Variants in ARHGEF28 observed in about 807,000 individuals in gnomAD.
The protein encoded by ARHGEF28 is Rho guanine nucleotide exchange factor 28, also known as 190 kDa guanine nucleotide exchange factor.
Under a neutral mutation model 206.6 loss-of-function variants are expected in ARHGEF28, and 152 were observed. The observed-to-expected ratio is 0.74, with a 90% CI of 0.64 to 0.84. The LOEUF is 0.84. ARHGEF28 is among the 40% of genes least tolerant of loss of function. ARHGEF28 has a pLI of 0.00. For missense variants in ARHGEF28, 2,028 were observed against 2,073.2 expected (o/e 0.98, Z 0.42); for synonymous variants, 763 against 776.4 (o/e 0.98, Z 0.29).
chr5:73,813,186 T>C (rs1160692599), intron 9 of ARHGEF28, among the ~76,000 whole-genome samples: 1 of 152,148 alleles, frequency 6.6e-6, no homozygotes, highest in African/African-American at 2.4e-5. Context: ...TGGGAGGCTT[T>C]TCTTGAATCA....
chr5:73,922,841 G>A (rs1397843088), intron 35 of ARHGEF28, among the ~76,000 whole-genome samples: 1 of 152,086 alleles, frequency 6.6e-6, no homozygotes, highest in African/African-American at 2.4e-5. Flanking sequence ...TCAAAAAGTT[G>A]TACTATTTTT....
chr5:73,846,544 G>A, intron 12 of ARHGEF28, 69 bp downstream of exon 12: 6 of 1,422,820 alleles, frequency 4.2e-6, no homozygotes, highest in Non-Finnish European at 5.8e-6. Flanking sequence ...TTACCCATCT[G>A]TATCTGAAAG....
At chr5:73,696,961 A>C (rs1206494006) in intron 2 of ARHGEF28, among the ~76,000 whole-genome samples, 1 of 152,186 alleles carries the variant, frequency 6.6e-6, no homozygotes, top group East Asian at 1.9e-4. Context: ...CTGCACGAAG[A>C]GATAGAGAGA....
intron 29 of ARHGEF28, among the ~76,000 whole-genome samples, 171 bp from the exon 30 acceptor site, chr5:73,897,791 C>T (rs753063046): frequency 3.9e-5 from 6 of 152,134 alleles, no homozygotes; most frequent in African/African-American, 7.2e-5. Context: ...TGCGCGCGTG[C>T]GTAGGCACAT....
At chr5:73,746,946 T>A (rs1380270528) in intron 2 of ARHGEF28, among the ~76,000 whole-genome samples, 2 of 152,282 alleles carry the variant, frequency 1.3e-5, no homozygotes, top group Non-Finnish European at 2.9e-5. Flanking sequence ...CTCCTCCAGA[T>A]GAACTTTAGA....
chr5:73,883,847 C>T lies in ARHGEF28; in HGVS notation c.3018C>T (p.Tyr1006=), dbSNP rs3749645. 198,974 of 1,569,962 alleles carry T rather than the reference C, an allele frequency of 0.13. 13,827 individuals are homozygous for T. The highest frequency in any genetic ancestry group is 0.28 in the East Asian group (12,182 of 42,788). ...TGGTCACTCAGCGTATTACAAAATA[C>T]CCTGTCTTGGTGGAAAGGATATTGC... is the stretch of plus-strand genomic sequence containing the variant. ...ILLVTQRITK[Y]PVLVERILQY... The change falls in exon 24 of 36, where the codon TAC becomes TAT. Residue 1006 remains tyrosine (Y), a synonymous_variant. Coordinates refer to ENST00000513042, the MANE Select transcript of ARHGEF28 (RefSeq NM_001177693.2).
At chr5:73,752,839 A>C (rs1752087189) in intron 3 of ARHGEF28, 70 bp from the exon 4 acceptor site, 6 of 1,549,176 alleles carry the variant, frequency 3.9e-6, no homozygotes, top group Middle Eastern at 2.0e-4. Context: ...TGGTGGGGCT[A>C]GCACATTGGA....
intron 35 of ARHGEF28, among the ~76,000 whole-genome samples, chr5:73,933,308 C>T (rs1415725491): frequency 6.6e-6 from 1 of 152,126 alleles, no homozygotes; most frequent in East Asian, 1.9e-4. Flanking sequence ...GAGCAAAGCC[C>T]ATACCTGAAT....
intron 16 of ARHGEF28, chr5:73,863,181 A>G (rs1274453560): frequency 6.6e-6 from 1 of 152,082 alleles, no homozygotes; most frequent in Non-Finnish European, 1.5e-5. Flanking sequence ...TTTTTTAATC[A>G]TATGGATATT....
chr5:73,739,077 C>T lies in ARHGEF28; in HGVS notation c.34-10760C>T, dbSNP rs573552109. ...TTCCCATAAGACAGCAGAGGGTATCCTATAGTCCTTAGAGGGGCCTTAGAG... is the reference window on the plus strand; with the variant it reads ...TTCCCATAAGACAGCAGAGGGTATCTTATAGTCCTTAGAGGGGCCTTAGAG... On this transcript the variant is annotated intron_variant, in intron 2 of 35. Coordinates refer to ENST00000513042, the MANE Select transcript of ARHGEF28 (RefSeq NM_001177693.2). Among the ~76,000 whole-genome samples the T allele has an allele frequency of 2.6e-5, 4 of 152,070 alleles. No homozygotes were observed. The East Asian group carries it at 7.7e-4, about 29-fold the overall frequency.
chr5:73,743,932 G>C (rs181543446), intron 2 of ARHGEF28, among the ~76,000 whole-genome samples: 1 of 152,258 alleles, frequency 6.6e-6, no homozygotes, highest in Admixed American at 6.5e-5. Context: ...CTAACATGGT[G>C]GGGAGAAAAT....
chr5:73,734,832 G>A (rs1035068729), intron 2 of ARHGEF28, among the ~76,000 whole-genome samples: 1 of 152,082 alleles, frequency 6.6e-6, no homozygotes, highest in Non-Finnish European at 1.5e-5. Context: ...TTGCAGTGGA[G>A]AGGGAAGACT....
chr5:73,758,813 A>G (rs1175681300), intron 4 of ARHGEF28, among the ~76,000 whole-genome samples: 1 of 152,214 alleles, frequency 6.6e-6, no homozygotes, highest in Non-Finnish European at 1.5e-5. Flanking sequence ...TCGGCCTCGC[A>G]AAGTGCCAAA....
At chr5:73,801,426 A>G (rs560805208) in intron 9 of ARHGEF28, among the ~76,000 whole-genome samples, 128 of 152,186 alleles carry the variant, frequency 8.4e-4, no homozygotes, top group African/African-American at 2.7e-3. Flanking sequence ...CAGCCTGGGC[A>G]ACAGAGCGAG....
intron 25 of ARHGEF28, 44 bp from the exon 26 acceptor site, chr5:73,887,559 C>G (rs753517993): frequency 5.0e-6 from 7 of 1,391,950 alleles, no homozygotes; most frequent in Non-Finnish European, 6.9e-6. Flanking sequence ...TTTATTTGAA[C>G]TGTGGTTTGC....
rs200317068 is a variant in ARHGEF28, at chr5:73,857,730, C to A, written c.1865C>A (p.Thr622Asn). The A allele has an allele frequency of 1.8e-4, 285 of 1,612,754 alleles. No individual in the cohort carries two copies. Among genetic ancestry groups the A allele is most frequent in the Non-Finnish European group, 2.3e-4 (266 of 1,179,398 alleles). Residue 622 changes from threonine (T) to asparagine (N), a missense_variant, in exon 15 of 36, where the codon ACT becomes AAT. Thr to Asn is a moderately conservative substitution (Grantham distance 65). Transcript: ENST00000513042. Reference protein sequence around the residue: ...SESEKYKVSRTFSFLMNRMTS... With the variant: ...SESEKYKVSRNFSFLMNRMTS... ...TCTGAAAAATATAAAGTGAGTCGAACTTTCAGTTTCCTCATGAATAGGATG... is the reference window on the plus strand; with the variant it reads ...TCTGAAAAATATAAAGTGAGTCGAAATTTCAGTTTCCTCATGAATAGGATG...
At chr5:73,680,553 T>C (rs1482543951) in intron 1 of ARHGEF28, among the ~76,000 whole-genome samples, 2 of 151,520 alleles carry the variant, frequency 1.3e-5, no homozygotes, top group East Asian at 3.9e-4. Flanking sequence ...GACGACACAT[T>C]GGGTACAGTG....
At chr5:73,759,240 A>G (rs1752476846) in intron 4 of ARHGEF28, among the ~76,000 whole-genome samples, 1 of 152,220 alleles carries the variant, frequency 6.6e-6, no homozygotes, top group African/African-American at 2.4e-5. Flanking sequence ...AACAACCACA[A>G]CAGATTTAAA....
intron 22 of ARHGEF28, among the ~76,000 whole-genome samples, chr5:73,880,505 A>G (rs1760849917): frequency 6.6e-6 from 1 of 151,888 alleles, no homozygotes; most frequent in Non-Finnish European, 1.5e-5. Flanking sequence ...TGCAGAAATC[A>G]CCCGTCTTCT....
Sources: gnomAD v4.1 joint callset for allele counts (sites outside exome capture counted in the v4.1 genomes callset) on GRCh38, gnomAD v4.1.1 for gene constraint, MANE v1.5 for transcripts, NCBI Gene and HGNC (gene_info 2026-07-23, HGNC 2026-07-21) for gene names.